LRP1B: variants seen among roughly 807,000 people sequenced by gnomAD.
LRP1B encodes LDL receptor related protein 1B.
A neutral mutation model predicts 556.6 loss-of-function variants in LRP1B; 217 were observed. The ratio of observed to expected loss-of-function variants is 0.39; its 90% CI spans 0.35 to 0.44. The LOEUF (loss-of-function observed/expected upper bound fraction) is 0.44, where lower values mean the gene tolerates loss of function less well. Ranked by LOEUF, LRP1B falls within the 20% of genes least tolerant of loss-of-function variation. The pLI is 1.00. For missense variants in LRP1B, 5,053 were observed against 5,620.8 expected (o/e 0.90, Z 3.23); for synonymous variants, 2,047 against 1,865.8 (o/e 1.10, Z -2.50).
intron 1 of LRP1B, among the ~76,000 whole-genome samples, chr2:142,061,531 G>A (rs897981864): frequency 6.6e-6 from 1 of 151,760 alleles, no homozygotes; most frequent in African/African-American, 2.4e-5. Context: ...CAGCAAACAG[G>A]GCAAAGAACA....
At chr2:141,769,969 T>C (rs1694844329) in intron 2 of LRP1B, among the ~76,000 whole-genome samples, 1 of 152,172 alleles carries the variant, frequency 6.6e-6, no homozygotes, top group Admixed American at 6.5e-5. Flanking sequence ...TTAGAGTACC[T>C]GTATCCAATT....
intron 43 of LRP1B, among the ~76,000 whole-genome samples, chr2:140,556,086 A>G (rs1680721090): frequency 6.6e-6 from 1 of 152,040 alleles, no homozygotes; most frequent in Admixed American, 6.6e-5. Context: ...TGTATACATG[A>G]GGGGAGGCAG....
intron 1 of LRP1B, among the ~76,000 whole-genome samples, chr2:142,126,254 T>G (rs1473921319): frequency 6.7e-6 from 1 of 150,316 alleles, no homozygotes; most frequent in Non-Finnish European, 1.5e-5. Flanking sequence ...ACTTAAAATT[T>G]TTTTCATTTC....
intron 1 of LRP1B, among the ~76,000 whole-genome samples, chr2:141,928,711 T>C (rs1472737779): frequency 6.6e-6 from 1 of 152,090 alleles, no homozygotes; most frequent in African/African-American, 2.4e-5. Flanking sequence ...TCATGAAATC[T>C]TTCAGGCTCA....
At chr2:140,779,753 A>AGTGTGTGTGTGTGT (rs373081625) in intron 32 of LRP1B, among the ~76,000 whole-genome samples, 85 of 134,002 alleles carry the variant, frequency 6.3e-4, no homozygotes, top group African/African-American at 2.3e-3. Flanking sequence ...TCTCTGTGAG[A>AGTGTGTGTGTGTGT]GAGTGTGTGT....
At chr2:141,280,101 T>C (rs1685454649) in intron 3 of LRP1B, among the ~76,000 whole-genome samples, 1 of 152,108 alleles carries the variant, frequency 6.6e-6, no homozygotes, top group Non-Finnish European at 1.5e-5. Flanking sequence ...TTTTTAAAAG[T>C]AATGTTAGGA....
chr2:140,241,216 T>C (rs1163079063), intron 87 of LRP1B, among the ~76,000 whole-genome samples: 1 of 150,898 alleles, frequency 6.6e-6, no homozygotes, highest in Non-Finnish European at 1.5e-5. Flanking sequence ...AGCTGTAATT[T>C]ATTAGCAATT....
chr2:141,220,284 A>G (rs1415476095), intron 6 of LRP1B, among the ~76,000 whole-genome samples: 1 of 152,210 alleles, frequency 6.6e-6, no homozygotes, highest in East Asian at 1.9e-4. Flanking sequence ...TGCAACCACA[A>G]GTATCAACAG....
At chr2:140,890,134 A>G (rs1299161766) in intron 23 of LRP1B, among the ~76,000 whole-genome samples, 2 of 151,810 alleles carry the variant, frequency 1.3e-5, no homozygotes, top group South Asian at 2.1e-4. Flanking sequence ...AGATGGGTAC[A>G]TAATGTATAT....
At chr2:140,383,293 C>CGTGTGT (rs35151647) in intron 67 of LRP1B, among the ~76,000 whole-genome samples, 31 of 145,746 alleles carry the variant, frequency 2.1e-4, no homozygotes, top group East Asian at 1.2e-3. Flanking sequence ...CAGTGATGTG[C>CGTGTGT]GTGTGTGTGT....
chr2:141,435,451 G>A (rs1398630076), intron 3 of LRP1B, among the ~76,000 whole-genome samples: 1 of 152,110 alleles, frequency 6.6e-6, no homozygotes, highest in Non-Finnish European at 1.5e-5. Context: ...TCTCCACCAA[G>A]ATCTCCATTG....
chr2:141,611,491 T>C (rs1222026467), intron 2 of LRP1B, among the ~76,000 whole-genome samples: 1 of 152,150 alleles, frequency 6.6e-6, no homozygotes, highest in Non-Finnish European at 1.5e-5. Context: ...CCCAACAGTA[T>C]TGAAACCTGA....
At chr2:141,419,592 T>C (rs1455770663) in intron 3 of LRP1B, among the ~76,000 whole-genome samples, 1 of 152,170 alleles carries the variant, frequency 6.6e-6, no homozygotes, top group East Asian at 1.9e-4. Flanking sequence ...TTATAAACTT[T>C]TCCATTTCTG....
At chr2:141,627,082 G>C (rs1363319303) in intron 2 of LRP1B, among the ~76,000 whole-genome samples, 1 of 152,178 alleles carries the variant, frequency 6.6e-6, no homozygotes, top group Non-Finnish European at 1.5e-5. Flanking sequence ...AGTAAATTGA[G>C]GTATATCCAG....
intron 2 of LRP1B, among the ~76,000 whole-genome samples, chr2:141,808,856 C>T (rs75214935): frequency 0.039 from 5,984 of 152,104 alleles, 396 homozygotes; most frequent in African/African-American, 0.14. Context: ...AACATGTGAT[C>T]TTTTTTGATG....
intron 2 of LRP1B, among the ~76,000 whole-genome samples, chr2:141,509,617 G>A (rs917533973): frequency 1.3e-5 from 2 of 152,112 alleles, no homozygotes; most frequent in African/African-American, 4.8e-5. Flanking sequence ...TTTGGAAGAC[G>A]TGTTAAAAGT....
At chr2:140,296,630 T>C (rs1206590147) in intron 84 of LRP1B, among the ~76,000 whole-genome samples, 2 of 26,510 alleles carry the variant, frequency 7.5e-5, no homozygotes, top group African/African-American at 1.2e-4. Flanking sequence ...ATCTGAAAAA[T>C]TTAAATATAG....
chr2:141,318,365 T>G (rs1042261799), intron 3 of LRP1B, among the ~76,000 whole-genome samples: 2 of 152,154 alleles, frequency 1.3e-5, no homozygotes, highest in African/African-American at 4.8e-5. Flanking sequence ...TTGTATGGAT[T>G]AAAGAAGGAT....
intron 2 of LRP1B, among the ~76,000 whole-genome samples, chr2:141,582,620 T>TA (rs1349785141): frequency 6.6e-6 from 1 of 152,076 alleles, no homozygotes; most frequent in South Asian, 2.1e-4. Flanking sequence ...AAGATTTTTT[T>TA]TTTTTTCTGT....
Sources: allele counts gnomAD v4.1 joint callset (sites outside exome capture counted in the v4.1 genomes callset), GRCh38; gene constraint gnomAD v4.1.1; transcripts MANE v1.5; gene names NCBI Gene and HGNC (gene_info 2026-07-23, HGNC 2026-07-21).